Variants in PBX1 observed in about 807,000 individuals in gnomAD.
PBX1 encodes the protein pre-B-cell leukemia transcription factor 1.
PBX1 carries 6 observed loss-of-function variants against 53.4 expected under a neutral mutation model. The observed-to-expected ratio is 0.11, with a 90% CI of 0.06 to 0.22. The LOEUF is 0.22. PBX1 is among the 10% of genes least tolerant of loss of function. PBX1 has a pLI of 1.00. For missense variants in PBX1, 251 were observed against 551.4 expected (o/e 0.46, Z 5.46); for synonymous variants, 204 against 212.3 (o/e 0.96, Z 0.34).
At chr1:164,686,459 G>A (rs1662101738) in intron 2 of PBX1, among the ~76,000 whole-genome samples, 1 of 152,204 alleles carries the variant, frequency 6.6e-6, no homozygotes, top group Admixed American at 6.5e-5. Context: ...TGCAGCAGAG[G>A]TGGCATCAGG....
At chr1:164,560,120 G>A (rs1652922334) in intron 1 of PBX1, 107 bp downstream of exon 1, 2 of 843,646 alleles carry the variant, frequency 2.4e-6, no homozygotes, top group Non-Finnish European at 3.5e-6. Flanking sequence ...TTTGAAAAAT[G>A]TTATTTCTTT....
intron 2 of PBX1, among the ~76,000 whole-genome samples, chr1:164,725,272 T>C (rs1664638070): frequency 6.6e-6 from 1 of 152,156 alleles, no homozygotes; most frequent in African/African-American, 2.4e-5. Context: ...AAGGTTTGGA[T>C]TGAATTGAGG....
At chr1:164,775,663 C>CA (rs1323494730) in intron 2 of PBX1, among the ~76,000 whole-genome samples, 1 of 152,196 alleles carries the variant, frequency 6.6e-6, no homozygotes, top group African/African-American at 2.4e-5. Flanking sequence ...ATGCTGGCTG[C>CA]ACTCTCAGGA....
intron 4 of PBX1, among the ~76,000 whole-genome samples, chr1:164,801,982 GAA>G (rs1169776926): frequency 2.0e-5 from 3 of 152,192 alleles, no homozygotes; most frequent in African/African-American, 7.2e-5. Context: ...AACTTAGTAA[GAA>G]AGACACACTC....
intron 2 of PBX1, among the ~76,000 whole-genome samples, chr1:164,598,482 G>A (rs578241237): frequency 6.6e-6 from 1 of 152,294 alleles, no homozygotes; most frequent in Admixed American, 6.5e-5. Flanking sequence ...GTGGATGGAT[G>A]ACTACCGGCA....
At position 164,846,943 on chromosome 1, in the gene PBX1, C is replaced by T; in HGVS notation, c.*267C>T. 9 of 1,344,580 alleles carry T rather than the reference C, an allele frequency of 6.7e-6. No homozygotes were observed. The highest frequency in any genetic ancestry group is 8.6e-6 in the Non-Finnish European group (9 of 1,044,722). 83.3% of individuals were successfully genotyped at this position (1,344,580 alleles called of 1,614,324 possible). A position where few individuals can be genotyped will look rare whatever the true frequency, so the allele number is the denominator to read the frequency against. On this transcript the variant is annotated 3_prime_UTR_variant, in exon 9 of 9. Transcript: ENST00000420696. ...CTGGTTTTCGTCATCTTCCCTGCCCCTGTGCCTCTGTCCTAGACTCCCGGG... is the reference window on the plus strand; with the variant it reads ...CTGGTTTTCGTCATCTTCCCTGCCCTTGTGCCTCTGTCCTAGACTCCCGGG...
intron 2 of PBX1, among the ~76,000 whole-genome samples, chr1:164,750,927 A>C (rs761979769): frequency 8.6e-5 from 13 of 151,840 alleles, no homozygotes; most frequent in Admixed American, 3.9e-4. Flanking sequence ...ACATTTTGAA[A>C]CCCCCTAAGG....
At chr1:164,774,339 A>G (rs1361498593) in intron 2 of PBX1, 3 of 152,170 alleles carry the variant, frequency 2.0e-5, no homozygotes, top group Non-Finnish European at 4.4e-5. Context: ...TCGAAATGAG[A>G]AGTCTCCATC....
intron 2 of PBX1, among the ~76,000 whole-genome samples, chr1:164,703,729 A>C (rs1234900743): frequency 6.6e-6 from 1 of 152,176 alleles, no homozygotes; most frequent in Non-Finnish European, 1.5e-5. Flanking sequence ...GTGCTGCCTG[A>C]ATCCAGGTGC....
chr1:164,767,187 A>G (rs1488651689), intron 2 of PBX1, among the ~76,000 whole-genome samples: 1 of 152,178 alleles, frequency 6.6e-6, no homozygotes, highest in African/African-American at 2.4e-5. Context: ...TTCTTAATAC[A>G]AACAATACAT....
chr1:164,778,547 G>T (rs1199318964), intron 2 of PBX1, among the ~76,000 whole-genome samples: 2 of 151,840 alleles, frequency 1.3e-5, no homozygotes, highest in African/African-American at 2.4e-5. Context: ...TGATGTGGGA[G>T]GATTGCTTGG....
chr1:164,792,042 C>T (rs1175068862), intron 2 of PBX1, among the ~76,000 whole-genome samples: 1 of 152,154 alleles, frequency 6.6e-6, no homozygotes, highest in Admixed American at 6.5e-5. Flanking sequence ...CCAGGATGGT[C>T]TCGATCTCCT....
At chr1:164,807,880 A>G (rs1669432475) in intron 5 of PBX1, among the ~76,000 whole-genome samples, 1 of 152,256 alleles carries the variant, frequency 6.6e-6, no homozygotes, top group African/African-American at 2.4e-5. Context: ...GAGAAGAACC[A>G]GCAGAAGGAA....
chr1:164,669,723 T>A (rs74117970), intron 2 of PBX1, among the ~76,000 whole-genome samples: 10 of 152,298 alleles, frequency 6.6e-5, no homozygotes, highest in Admixed American at 3.9e-4. Context: ...CCTAAACACA[T>A]GTTCACAGCC....
intron 6 of PBX1, chr1:164,814,216 A>C (rs190442895): frequency 5.3e-4 from 81 of 152,362 alleles, no homozygotes; most frequent in African/African-American, 1.9e-3. Flanking sequence ...AAAATGTTCA[A>C]ACTTTTCACA....
At chr1:164,577,894 T>C (rs763824566) in intron 2 of PBX1, among the ~76,000 whole-genome samples, 9 of 152,180 alleles carry the variant, frequency 5.9e-5, no homozygotes, top group Non-Finnish European at 1.2e-4. Context: ...AAAGGGTTAT[T>C]ATGTAGGTTG....
chr1:164,686,343 G>A (rs1019460933), intron 2 of PBX1, among the ~76,000 whole-genome samples: 1 of 152,156 alleles, frequency 6.6e-6, no homozygotes, highest in Non-Finnish European at 1.5e-5. Flanking sequence ...CATTTTACCA[G>A]GTTTCTCTGT....
In PBX1 at chr1:164,674,240, T is replaced by TC. The variant is rs545266181; in HGVS notation, c.265+110930dup. 3.9e-5 allele frequency among the ~76,000 whole-genome samples: 6 copies of TC among 152,262 alleles called. No homozygotes were observed. In the South Asian group the frequency reaches 6.2e-4, roughly 16 times the overall value. On this transcript the variant is annotated intron_variant, in intron 2 of 8. Coordinates refer to ENST00000420696, the MANE Select transcript of PBX1 (RefSeq NM_002585.4). The stretch of plus-strand genomic sequence containing the variant: ...TAGAAACAGGTTCCCGTTTGCAACA[T>TC]CAAGTCTGGTTATGCTGGGGTCATG...
intron 2 of PBX1, among the ~76,000 whole-genome samples, chr1:164,638,955 G>C (rs992129153): frequency 6.6e-6 from 1 of 152,234 alleles, no homozygotes; most frequent in African/African-American, 2.4e-5. Context: ...CCTGGGATGA[G>C]TAGGTACTGC....
Sources: allele counts gnomAD v4.1 joint callset (sites outside exome capture counted in the v4.1 genomes callset), GRCh38; gene constraint gnomAD v4.1.1; transcripts MANE v1.5; gene names NCBI Gene and HGNC (gene_info 2026-07-23, HGNC 2026-07-21).